IMMP2L: variants seen among roughly 807,000 people sequenced by gnomAD.
IMMP2L encodes the protein inner mitochondrial membrane peptidase subunit 2.
A neutral mutation model predicts 19.3 loss-of-function variants in IMMP2L; 18 were observed. The ratio of observed to expected loss-of-function variants is 0.93; its 90% CI spans 0.64 to 1.38. The LOEUF is 1.38. Among genes scored for constraint, IMMP2L ranks in the 40% most tolerant of loss-of-function variants. The probability of loss-of-function intolerance (pLI) is 0.00; values close to 1 mark genes in which losing one functional copy is unlikely to be tolerated. For missense variants in IMMP2L, 233 were observed against 218.2 expected (o/e 1.07, Z -0.43); for synonymous variants, 76 against 73.0 (o/e 1.04, Z -0.21).
intron 3 of IMMP2L, among the ~76,000 whole-genome samples, chr7:111,229,474 T>G (rs950701807): frequency 6.6e-6 from 1 of 152,074 alleles, no homozygotes; most frequent in Non-Finnish European, 1.5e-5. Context: ...ATCCCTGGTT[T>G]CTGATAGGAA....
At chr7:111,332,281 C>T (rs755363433) in intron 3 of IMMP2L, among the ~76,000 whole-genome samples, 6 of 151,538 alleles carry the variant, frequency 4.0e-5, no homozygotes, top group Non-Finnish European at 7.4e-5. Context: ...AGAAAGAAGC[C>T]AAGCAAATAT....
chr7:111,346,648 T>G (rs1413090337), intron 3 of IMMP2L, among the ~76,000 whole-genome samples: 1 of 152,066 alleles, frequency 6.6e-6, no homozygotes, highest in Non-Finnish European at 1.5e-5. Context: ...AAAGCCACAC[T>G]AGAGACTGAG....
intron 3 of IMMP2L, among the ~76,000 whole-genome samples, chr7:111,076,111 G>C (rs1225725188): frequency 1.3e-5 from 2 of 152,074 alleles, no homozygotes; most frequent in African/African-American, 4.8e-5. Context: ...TCATGATATT[G>C]GTGGGGAGGA....
At chr7:110,833,919 T>A (rs10243025) in intron 5 of IMMP2L, among the ~76,000 whole-genome samples, 2,126 of 152,290 alleles carry the variant, frequency 0.014, 49 homozygotes, top group African/African-American at 0.048. Context: ...CCAGCCTGAT[T>A]CATGAAGGCC....
At chr7:111,414,307 T>G (rs1326850121) in intron 3 of IMMP2L, among the ~76,000 whole-genome samples, 1 of 151,800 alleles carries the variant, frequency 6.6e-6, no homozygotes, top group East Asian at 1.9e-4. Context: ...CAAACTAGGG[T>G]GCATCCATGT....
At chr7:110,833,649 T>C (rs1425098605) in intron 5 of IMMP2L, among the ~76,000 whole-genome samples, 2 of 152,122 alleles carry the variant, frequency 1.3e-5, no homozygotes, top group African/African-American at 2.4e-5. Flanking sequence ...AAGCAATGAC[T>C]TTTTTAAATA....
intron 3 of IMMP2L, among the ~76,000 whole-genome samples, chr7:111,443,067 C>T (rs1022919128): frequency 6.6e-6 from 1 of 151,834 alleles, no homozygotes; most frequent in South Asian, 2.1e-4. Flanking sequence ...GCATGTATCA[C>T]AAACTTCAAA....
intron 3 of IMMP2L, among the ~76,000 whole-genome samples, chr7:110,966,022 GA>G (rs922384987): frequency 6.6e-5 from 10 of 151,412 alleles, no homozygotes; most frequent in Non-Finnish European, 1.2e-4. Flanking sequence ...TTTTAAAAAA[GA>G]AAAAAATTCA....
chr7:110,887,247 A>T (rs552797106), intron 4 of IMMP2L, among the ~76,000 whole-genome samples: 1 of 152,248 alleles, frequency 6.6e-6, no homozygotes, highest in East Asian at 1.9e-4. Context: ...TCAGTTGAAA[A>T]TTTTTAACCA....
At position 111,542,822 on chromosome 7, in the gene IMMP2L, T is replaced by C. The variant is rs534303511; in HGVS notation, c.-3+19029A>G. Among the ~76,000 whole-genome samples, 35 of 152,296 alleles carry C rather than the reference T, an allele frequency of 2.3e-4. 1 individual carries two copies. The highest frequency in any genetic ancestry group is 6.8e-3 in the Middle Eastern group (2 of 294). ...TTAATAAAAAATATTATCAGGGTTG[T>C]CTTTAAACTTCACAATTACTGAAGG... On this transcript the variant is annotated intron_variant, in intron 1 of 5. Transcript: ENST00000405709.
chr7:111,306,699 A>G (rs1456620830), intron 3 of IMMP2L, among the ~76,000 whole-genome samples: 1 of 150,650 alleles, frequency 6.6e-6, no homozygotes, highest in Non-Finnish European at 1.5e-5. Context: ...GGAAGCTGTA[A>G]TGATGAGATC....
intron 3 of IMMP2L, among the ~76,000 whole-genome samples, chr7:111,397,614 G>A (rs1017999675): frequency 6.6e-6 from 1 of 152,088 alleles, no homozygotes; most frequent in African/African-American, 2.4e-5. Flanking sequence ...GAAAAAGTAT[G>A]TCTCATTTAA....
At position 111,250,127 on chromosome 7, in the gene IMMP2L, G is replaced by T. The variant is rs987833345; in HGVS notation, c.239+237111C>A. On this transcript the variant is annotated intron_variant, in intron 3 of 5. Transcript: ENST00000405709. ...TACACCAACAACAGAAAAGCGGAGT[G>T]GTGAATTATGAATGAACTCCCATTC... 1.1e-4 allele frequency among the ~76,000 whole-genome samples: 16 copies of T among 151,896 alleles called. No homozygotes were observed. The East Asian group carries it at 1.3e-3, about 13-fold the overall frequency.
intron 3 of IMMP2L, among the ~76,000 whole-genome samples, chr7:110,999,482 A>T (rs143036989): frequency 3.5e-4 from 53 of 151,542 alleles, no homozygotes; most frequent in African/African-American, 1.3e-3. Flanking sequence ...TTTAATTTCA[A>T]CAATCATATT....
intron 4 of IMMP2L, among the ~76,000 whole-genome samples, chr7:110,939,032 A>G (rs1011967393): frequency 1.3e-5 from 2 of 152,222 alleles, no homozygotes; most frequent in South Asian, 2.1e-4. Flanking sequence ...CTAAGTTTAC[A>G]TTGCTAAATC....
chr7:110,697,723 G>A (rs1461598651), intron 5 of IMMP2L, among the ~76,000 whole-genome samples: 1 of 152,166 alleles, frequency 6.6e-6, no homozygotes, highest in Non-Finnish European at 1.5e-5. Context: ...AAGCCCAGAA[G>A]TTCAAGGCAG....
At chr7:111,293,301 G>C (rs1821302252) in intron 3 of IMMP2L, among the ~76,000 whole-genome samples, 1 of 151,896 alleles carries the variant, frequency 6.6e-6, no homozygotes, top group Non-Finnish European at 1.5e-5. Flanking sequence ...TTTTGTGAGA[G>C]CAATTTTTGA....
At chr7:111,210,804 G>A (rs1811227859) in intron 3 of IMMP2L, among the ~76,000 whole-genome samples, 1 of 152,012 alleles carries the variant, frequency 6.6e-6, no homozygotes, top group Non-Finnish European at 1.5e-5. Context: ...ATCTTTTTCT[G>A]AGAGTGAGAA....
chr7:111,557,332 C>T (rs1011106430), intron 1 of IMMP2L, among the ~76,000 whole-genome samples: 1 of 152,116 alleles, frequency 6.6e-6, no homozygotes. Flanking sequence ...GAAGTGTACC[C>T]TGAACTGGCT....
Sources: allele counts gnomAD v4.1 joint callset (sites outside exome capture counted in the v4.1 genomes callset), GRCh38; gene constraint gnomAD v4.1.1; transcripts MANE v1.5; gene names NCBI Gene and HGNC (gene_info 2026-07-23, HGNC 2026-07-21).